The following PCDHGA3 variants were observed in gnomAD, a reference collection of about 807,000 sequenced individuals.
PCDHGA3 encodes the protein protocadherin gamma subfamily A, 3.
In PCDHGA3, 40 loss-of-function variants were observed where a neutral mutation model predicts 58.5. The observed-to-expected ratio is 0.68, with a 90% CI of 0.53 to 0.89. PCDHGA3 has a LOEUF of 0.89. Ranked by LOEUF, PCDHGA3 falls within the 40% of genes least tolerant of loss-of-function variation. PCDHGA3 has a pLI of 0.00. For synonymous variants in PCDHGA3, 530 were observed against 525.7 expected (o/e 1.01, Z -0.11); for missense variants, 1,223 against 1,195.9 (o/e 1.02, Z -0.33).
intron 1 of PCDHGA3, chr5:141,394,183 A>G: frequency 1.2e-6 from 2 of 1,613,702 alleles, no homozygotes; most frequent in Non-Finnish European, 1.7e-6. Context: ...CATGCCTCCT[A>G]CTCAGCGTAT....
intron 1 of PCDHGA3, chr5:141,414,511 G>A: frequency 1.2e-6 from 2 of 1,613,972 alleles, no homozygotes; most frequent in African/African-American, 1.3e-5. Context: ...TATGCTACAA[G>A]TGGCAGATAT....
At position 141,418,522 on chromosome 5, in the gene PCDHGA3, C is replaced by T. The variant is rs751177053; in HGVS notation, c.2424+72065C>T. The T allele has an allele frequency of 1.5e-5, 24 of 1,613,884 alleles. No individual in the cohort carries two copies. The African/African-American group carries it at 2.7e-4, about 18-fold the overall frequency. ...CCGCCTTAGATGGTGGGGACCCTCC[C>T]CGAAGCGGTACTGCTCAGATAAGAA... is the stretch of plus-strand genomic sequence containing the variant. On this transcript the variant is annotated intron_variant, in intron 1 of 3. Transcript: ENST00000253812.
intron 1 of PCDHGA3, chr5:141,479,437 C>G (rs2099496053): frequency 6.6e-6 from 1 of 152,224 alleles, no homozygotes; most frequent in Admixed American, 6.5e-5. Flanking sequence ...AATCCACTGT[C>G]TGCACTAAGT....
At chr5:141,396,764 T>C (rs1040059955) in intron 1 of PCDHGA3, 1 of 152,236 alleles carries the variant, frequency 6.6e-6, no homozygotes, top group Non-Finnish European at 1.5e-5. Context: ...CCAATAAATG[T>C]TTGTTATTAA....
chr5:141,356,471 C>T, intron 1 of PCDHGA3: 2 of 1,613,754 alleles, frequency 1.2e-6, no homozygotes, highest in Non-Finnish European at 8.5e-7. Flanking sequence ...ACTGTAACTG[C>T]CACTGACCAG....
chr5:141,364,652 A>G, intron 1 of PCDHGA3: 1 of 1,614,056 alleles, frequency 6.2e-7, no homozygotes, highest in Non-Finnish European at 8.5e-7. Context: ...GAACTTTAAC[A>G]TCTTGGTTGA....
At chr5:141,434,331 T>C (rs1271938024) in intron 1 of PCDHGA3, among the ~76,000 whole-genome samples, 3 of 152,186 alleles carry the variant, frequency 2.0e-5, no homozygotes, top group Non-Finnish European at 4.4e-5. Context: ...GCTTGTCTCT[T>C]TGTGTCGGGA....
intron 1 of PCDHGA3, among the ~76,000 whole-genome samples, chr5:141,348,338 CA>C (rs1758100180): frequency 6.6e-6 from 1 of 152,092 alleles, no homozygotes; most frequent in Admixed American, 6.5e-5. Flanking sequence ...GGCCCATAGC[CA>C]GGGGAGGACT....
At chr5:141,390,533 A>G (rs1589127549) in intron 1 of PCDHGA3, 1 of 529,950 alleles carries the variant, frequency 1.9e-6, no homozygotes. Context: ...GTGTGGTTTT[A>G]ACCACAAAGT....
chr5:141,369,505 GA>G (rs1379316544), intron 1 of PCDHGA3, among the ~76,000 whole-genome samples: 2 of 150,654 alleles, frequency 1.3e-5, no homozygotes, highest in Non-Finnish European at 1.5e-5. Flanking sequence ...CACCTCTATA[GA>G]AAAAAAAAGT....
Position 141,511,579 on chromosome 5 carries a change from G to T in PCDHGA3, c.*406G>T. The T allele has an allele frequency of 3.6e-6, 1 of 280,798 alleles. No individual in the cohort carries two copies. Among genetic ancestry groups the T allele is most frequent in the South Asian group, 4.1e-5 (1 of 24,614 alleles). 17.4% of individuals were successfully genotyped at this position (280,798 alleles called of 1,614,324 possible). On this transcript the variant is annotated 3_prime_UTR_variant, in exon 4 of 4. Transcript: ENST00000253812. Reference sequence around the variant, plus strand: ...CCTCTTTCCCGAGTAAGGTGGTTGGGGTGTTGAAGTACCAAGTAACCTACA... The same window carrying T: ...CCTCTTTCCCGAGTAAGGTGGTTGGTGTGTTGAAGTACCAAGTAACCTACA...
Position 141,344,167 on chromosome 5 carries a change from T to C in PCDHGA3, c.134T>C (p.Val45Ala). Residue 45 changes from valine (V) to alanine (A), a missense_variant, in exon 1 of 4, where the codon GTG becomes GCG. Coordinates refer to ENST00000253812, the MANE Select transcript of PCDHGA3 (RefSeq NM_018916.4). ...VSEELDKGSF[V>A]GNIANDLGLE... is the part of the protein sequence containing the mutation. ...GAGGAGCTAGATAAAGGTTCCTTCG[T>C]GGGCAACATCGCTAACGACCTGGGG... The C allele has an allele frequency of 1.2e-6, 2 of 1,614,010 alleles. No individual in the cohort carries two copies. Among genetic ancestry groups the C allele is most frequent in the Non-Finnish European group, 1.7e-6 (2 of 1,179,890 alleles).
intron 1 of PCDHGA3, chr5:141,408,518 T>G: frequency 6.2e-7 from 1 of 1,614,012 alleles, no homozygotes; most frequent in Non-Finnish European, 8.5e-7. Flanking sequence ...TGAGTTGCAA[T>G]TGGAAGCTGT....
chr5:141,458,972 GTCC>G (rs2154566422), intron 1 of PCDHGA3, among the ~76,000 whole-genome samples: 1 of 151,882 alleles, frequency 6.6e-6, no homozygotes, highest in East Asian at 1.9e-4. Context: ...GCCTCAAGCA[GTCC>G]TCCTGCCTCA....
chr5:141,410,009 T>G, intron 1 of PCDHGA3: 1 of 1,613,318 alleles, frequency 6.2e-7, no homozygotes, highest in Non-Finnish European at 8.5e-7. Context: ...ACACAACGCC[T>G]GGCTGTCCTA....
At chr5:141,460,981 GTGTATATA>G (rs1342006423) in intron 1 of PCDHGA3, among the ~76,000 whole-genome samples, 30 of 121,890 alleles carry the variant, frequency 2.5e-4, no homozygotes, top group African/African-American at 5.8e-4. Flanking sequence ...GTGTGTGTGT[GTGTATATA>G]TATATATGTG....
chr5:141,509,046 C>T (rs1442220429), intron 3 of PCDHGA3, among the ~76,000 whole-genome samples: 1 of 152,160 alleles, frequency 6.6e-6, no homozygotes, highest in Non-Finnish European at 1.5e-5. Flanking sequence ...CTCTCCCCCG[C>T]CCCCAGAAAG....
intron 1 of PCDHGA3, chr5:141,374,357 C>A: frequency 6.2e-7 from 1 of 1,614,018 alleles, no homozygotes; most frequent in Non-Finnish European, 8.5e-7. Flanking sequence ...TAGGATAGAC[C>A]GCGAGGAGCT....
intron 1 of PCDHGA3, chr5:141,427,689 A>C (rs3749765): frequency 0.15 from 132,103 of 873,882 alleles, 11,769 homozygotes; most frequent in African/African-American, 0.33. Flanking sequence ...CGGAGCCTCC[A>C]TCCCACAAGT....
Sources: gnomAD v4.1 joint callset for allele counts (sites outside exome capture counted in the v4.1 genomes callset) on GRCh38, gnomAD v4.1.1 for gene constraint, MANE v1.5 for transcripts, NCBI Gene and HGNC (gene_info 2026-07-23, HGNC 2026-07-21) for gene names.